Variants in GADL1 observed in about 807,000 individuals in gnomAD.
GADL1 encodes the protein acidic amino acid decarboxylase GADL1.
In GADL1, 71 loss-of-function variants were observed where a neutral mutation model predicts 69.5. The ratio of observed to expected loss-of-function variants is 1.02; its 90% CI spans 0.84 to 1.25. GADL1 has a LOEUF of 1.25. Among genes scored for constraint, GADL1 ranks in the 50% most tolerant of loss-of-function variants. The pLI is 0.00. For missense variants in GADL1, 737 were observed against 631.8 expected (o/e 1.17, Z -1.79); for synonymous variants, 254 against 214.4 (o/e 1.18, Z -1.62).
At chr3:30,873,212 TAATG>T (rs1698517665) in intron 1 of GADL1, among the ~76,000 whole-genome samples, 1 of 152,116 alleles carries the variant, frequency 6.6e-6, no homozygotes, top group South Asian at 2.1e-4. Context: ...TATAAAATAA[TAATG>T]GTTAACATTT....
chr3:30,864,649 C>T (rs912127980), intron 1 of GADL1, among the ~76,000 whole-genome samples: 3 of 151,878 alleles, frequency 2.0e-5, no homozygotes, highest in African/African-American at 4.8e-5. Context: ...TCAGAAAAGG[C>T]CCTCTGGAGA....
At chr3:30,812,051 C>G (rs1370472612) in intron 11 of GADL1, among the ~76,000 whole-genome samples, 2 of 152,184 alleles carry the variant, frequency 1.3e-5, no homozygotes, top group Non-Finnish European at 2.9e-5. Context: ...TTTCTGATAA[C>G]ATAAACCAGG....
At chr3:30,827,430 A>G (rs72849881) in intron 11 of GADL1, among the ~76,000 whole-genome samples, 18,512 of 151,914 alleles carry the variant, frequency 0.12, 2,718 homozygotes, top group African/African-American at 0.34. Context: ...AATAGAAGCA[A>G]TATACTGAGC....
At chr3:30,755,507 C>G (rs1194533925) in intron 14 of GADL1, among the ~76,000 whole-genome samples, 3 of 152,180 alleles carry the variant, frequency 2.0e-5, no homozygotes, top group Admixed American at 2.0e-4. Context: ...ACTTCTCCCC[C>G]TAAGGAATTT....
At chr3:30,820,064 A>C (rs1697544901) in intron 11 of GADL1, among the ~76,000 whole-genome samples, 1 of 151,918 alleles carries the variant, frequency 6.6e-6, no homozygotes, top group Admixed American at 6.6e-5. Context: ...ACCAAGATAA[A>C]AACACAAAGA....
chr3:30,875,455 C>G (rs753828543), intron 1 of GADL1, among the ~76,000 whole-genome samples: 2 of 151,840 alleles, frequency 1.3e-5, no homozygotes, highest in Non-Finnish European at 2.9e-5. Flanking sequence ...TGGTCTGTGT[C>G]TTGTCTATAG....
chr3:30,783,692 C>T (rs1407000475), intron 13 of GADL1, among the ~76,000 whole-genome samples: 15 of 152,088 alleles, frequency 9.9e-5, no homozygotes, highest in Admixed American at 9.8e-4. Context: ...ATCCTTACAC[C>T]AGGAATTCTG....
chr3:30,766,865 C>T (rs1443537878), intron 14 of GADL1, among the ~76,000 whole-genome samples: 3 of 152,070 alleles, frequency 2.0e-5, no homozygotes, highest in Admixed American at 1.3e-4. Context: ...ACATGAGTGA[C>T]ATATTGAGAG....
At chr3:30,845,440 T>G (rs1353802747) in intron 6 of GADL1, among the ~76,000 whole-genome samples, 1 of 152,196 alleles carries the variant, frequency 6.6e-6, no homozygotes, top group African/African-American at 2.4e-5. Context: ...TTTGTAGGTA[T>G]GAATACATTA....
chr3:30,757,009 A>G (rs1304609688), intron 14 of GADL1, among the ~76,000 whole-genome samples: 1 of 152,158 alleles, frequency 6.6e-6, no homozygotes. Context: ...AGAATCAATG[A>G]CAGCTGTTTC....
chr3:30,729,671 G>A (rs1399861377), intron 14 of GADL1, among the ~76,000 whole-genome samples: 2 of 152,120 alleles, frequency 1.3e-5, no homozygotes, highest in Non-Finnish European at 2.9e-5. Context: ...ACACAATCTT[G>A]ATCTGTTCCA....
chr3:30,775,650 C>G (rs544538757), intron 14 of GADL1, among the ~76,000 whole-genome samples: 1 of 151,814 alleles, frequency 6.6e-6, no homozygotes, highest in African/African-American at 2.4e-5. Context: ...TTGTAAATGG[C>G]AGAAAAGCAT....
chr3:30,755,076 G>T (rs535260415), intron 14 of GADL1, among the ~76,000 whole-genome samples: 1 of 152,282 alleles, frequency 6.6e-6, no homozygotes, highest in South Asian at 2.1e-4. Flanking sequence ...AGCCTACCCA[G>T]GGACAACGCA....
intron 1 of GADL1, among the ~76,000 whole-genome samples, chr3:30,890,308 G>T (rs955820822): frequency 6.6e-5 from 10 of 152,232 alleles, no homozygotes; most frequent in African/African-American, 2.4e-4. Context: ...CCTATTATGT[G>T]CCAGGCACTT....
intron 11 of GADL1, among the ~76,000 whole-genome samples, chr3:30,805,897 C>A (rs1244646071): frequency 6.6e-6 from 1 of 151,876 alleles, no homozygotes; most frequent in East Asian, 1.9e-4. Context: ...GACCTAGATC[C>A]CTCTTACGCA....
intron 1 of GADL1, among the ~76,000 whole-genome samples, chr3:30,877,811 G>A (rs1698598376): frequency 6.6e-6 from 1 of 151,892 alleles, no homozygotes; most frequent in South Asian, 2.1e-4. Context: ...ATGGTTAATG[G>A]TGTAGTATTA....
intron 14 of GADL1, among the ~76,000 whole-genome samples, chr3:30,756,053 G>GGGCT (rs1418252916): frequency 1.3e-5 from 2 of 152,066 alleles, no homozygotes; most frequent in Non-Finnish European, 2.9e-5. Flanking sequence ...AGGAGACCTA[G>GGGCT]GGCTGTGCAG....
intron 6 of GADL1, among the ~76,000 whole-genome samples, chr3:30,849,424 G>A (rs1178293985): frequency 2.0e-5 from 3 of 152,156 alleles, no homozygotes; most frequent in Admixed American, 6.6e-5. Context: ...GTAAGTGACA[G>A]AGGCAGGGAC....
At chr3:30,892,285 T>A (rs888183327) in intron 1 of GADL1, among the ~76,000 whole-genome samples, 1 of 152,222 alleles carries the variant, frequency 6.6e-6, no homozygotes, top group South Asian at 2.1e-4. Context: ...GTAACAGATA[T>A]TCAACAAGAG....
Sources: allele counts gnomAD v4.1 joint callset (sites outside exome capture counted in the v4.1 genomes callset), GRCh38; gene constraint gnomAD v4.1.1; transcripts MANE v1.5; gene names NCBI Gene and HGNC (gene_info 2026-07-23, HGNC 2026-07-21).